The following BAZ2B variants were observed in gnomAD, a reference collection of about 807,000 sequenced individuals.
BAZ2B encodes the protein bromodomain adjacent to zinc finger domain protein 2B.
A neutral mutation model predicts 246.0 loss-of-function variants in BAZ2B; 91 were observed. The observed-to-expected ratio is 0.37, with a 90% CI of 0.31 to 0.44. The LOEUF (loss-of-function observed/expected upper bound fraction) is 0.44, where lower values mean the gene tolerates loss of function less well. BAZ2B is among the 20% of genes least tolerant of loss of function. The pLI is 1.00. For missense variants in BAZ2B, 2,332 were observed against 2,533.7 expected (o/e 0.92, Z 1.71); for synonymous variants, 855 against 860.0 (o/e 0.99, Z 0.10).
chr2:159,406,742 A>G (rs779125824), intron 14 of BAZ2B, among the ~76,000 whole-genome samples: 2 of 151,924 alleles, frequency 1.3e-5, no homozygotes, highest in African/African-American at 2.4e-5. Flanking sequence ...TATTGTGTTA[A>G]ATTTTTCTTT....
intron 1 of BAZ2B, among the ~76,000 whole-genome samples, chr2:159,579,793 T>C (rs1360151567): frequency 2.0e-5 from 3 of 152,136 alleles, no homozygotes; most frequent in African/African-American, 7.2e-5. Flanking sequence ...TAATACACCA[T>C]ATAAACAGAA....
At chr2:159,640,232 A>G in the BAZ2B span, among the ~76,000 whole-genome samples, 1 of 152,150 alleles carries the variant, frequency 6.6e-6, no homozygotes, top group Non-Finnish European at 1.5e-5. Context: ...AAAGAGAGAG[A>G]TAGATTCCAA....
At chr2:159,449,046 TC>T (rs918408519) in intron 4 of BAZ2B, among the ~76,000 whole-genome samples, 2 of 152,158 alleles carry the variant, frequency 1.3e-5, no homozygotes, top group Non-Finnish European at 2.9e-5. Context: ...ATAAAGCCTC[TC>T]CCCTTAAAGT....
At chr2:159,447,914 A>G (rs1346990955) in intron 5 of BAZ2B, among the ~76,000 whole-genome samples, 1 of 152,152 alleles carries the variant, frequency 6.6e-6, no homozygotes, top group Non-Finnish European at 1.5e-5. Context: ...GAAGGTGGCC[A>G]GAAGTTTGAG....
intron 2 of BAZ2B, among the ~76,000 whole-genome samples, chr2:159,522,921 C>T (rs573121091): frequency 9.9e-5 from 15 of 152,084 alleles, no homozygotes; most frequent in African/African-American, 3.4e-4. Flanking sequence ...TAGCTCATTG[C>T]TACTCCAAGT....
intron 1 of BAZ2B, among the ~76,000 whole-genome samples, chr2:159,587,142 A>C (rs1008585407): frequency 1.3e-5 from 2 of 151,156 alleles, no homozygotes; most frequent in Non-Finnish European, 2.9e-5. Context: ...GCAGTGGCGC[A>C]ATCTCGGCTC....
chr2:159,433,424 T>C (rs1192611163), intron 8 of BAZ2B, 61 bp from the exon 9 acceptor site: 2 of 1,482,050 alleles, frequency 1.3e-6, no homozygotes, highest in Non-Finnish European at 1.8e-6. Context: ...ATTGCTTTTA[T>C]TTGCTTTCAA....
At chr2:159,534,168 G>C (rs2085675382) in intron 2 of BAZ2B, among the ~76,000 whole-genome samples, 1 of 152,156 alleles carries the variant, frequency 6.6e-6, no homozygotes, top group Non-Finnish European at 1.5e-5. Flanking sequence ...GATGTGTAAA[G>C]CAAATAGAGT....
chr2:159,484,588 T>C (rs1356129554), intron 2 of BAZ2B, among the ~76,000 whole-genome samples: 1 of 152,244 alleles, frequency 6.6e-6, no homozygotes, highest in Non-Finnish European at 1.5e-5. Flanking sequence ...GATGATTTTA[T>C]GTACTATAAA....
chr2:159,535,556 T>G (rs1053882393), intron 2 of BAZ2B, among the ~76,000 whole-genome samples: 22 of 152,324 alleles, frequency 1.4e-4, no homozygotes, highest in Admixed American at 1.2e-3. Flanking sequence ...CTTTATTTTA[T>G]TTGAAGAATA....
intron 2 of BAZ2B, among the ~76,000 whole-genome samples, chr2:159,505,857 A>C (rs978859691): frequency 1.3e-5 from 2 of 152,164 alleles, no homozygotes. Flanking sequence ...ACTGACAATG[A>C]AAGACTTGAA....
At chr2:159,695,440 G>GT in the BAZ2B span, 37 of 151,404 alleles carry the variant, frequency 2.4e-4, no homozygotes, top group Admixed American at 5.3e-4. Flanking sequence ...AAAACCACTA[G>GT]TAAGTCTGAG....
the BAZ2B span, among the ~76,000 whole-genome samples, chr2:159,660,667 T>A: frequency 2.6e-5 from 4 of 152,184 alleles, no homozygotes; most frequent in Non-Finnish European, 5.9e-5. Context: ...TGGCACAATT[T>A]CAGCTCACTG....
chr2:159,353,598 G>A (rs768312831), intron 27 of BAZ2B, among the ~76,000 whole-genome samples: 5 of 152,202 alleles, frequency 3.3e-5, no homozygotes, highest in African/African-American at 7.2e-5. Context: ...GGAACCCCTC[G>A]AGTATTTAGC....
the BAZ2B span, among the ~76,000 whole-genome samples, chr2:159,623,964 G>C: frequency 1.3e-5 from 2 of 152,228 alleles, no homozygotes; most frequent in African/African-American, 4.8e-5. Flanking sequence ...CTTGGTGCCA[G>C]CACAGCAGTC....
At chr2:159,549,008 G>A (rs145807920) in intron 2 of BAZ2B, among the ~76,000 whole-genome samples, 54 of 152,232 alleles carry the variant, frequency 3.5e-4, no homozygotes, top group East Asian at 3.5e-3. Context: ...GGCCGGGCGC[G>A]GTGGCTCACG....
chr2:159,387,221 T>C (rs1469757115), intron 21 of BAZ2B, among the ~76,000 whole-genome samples: 2 of 152,134 alleles, frequency 1.3e-5, no homozygotes, highest in Non-Finnish European at 2.9e-5. Flanking sequence ...ACTAAAGGTC[T>C]TTAGGTTTCC....
At chr2:159,452,019 T>C (rs2075158429) in intron 4 of BAZ2B, among the ~76,000 whole-genome samples, 1 of 152,204 alleles carries the variant, frequency 6.6e-6, no homozygotes, top group Non-Finnish European at 1.5e-5. Context: ...ATCTGTGGAA[T>C]GCTCATCTTG....
the BAZ2B span, among the ~76,000 whole-genome samples, chr2:159,682,704 A>G: frequency 7.2e-5 from 11 of 152,222 alleles, no homozygotes; most frequent in African/African-American, 2.7e-4. Flanking sequence ...ATTATTTCAT[A>G]TAACGAGAAG....
Sources: gnomAD v4.1 joint callset for allele counts (sites outside exome capture counted in the v4.1 genomes callset) on GRCh38, gnomAD v4.1.1 for gene constraint, MANE v1.5 for transcripts, NCBI Gene and HGNC (gene_info 2026-07-23, HGNC 2026-07-21) for gene names.